Variants in AFF3 observed in about 807,000 individuals in gnomAD.
The protein encoded by AFF3 is ALF transcription elongation factor 3, also known as AF4/FMR2 family member 3.
In AFF3, 32 loss-of-function variants were observed where a neutral mutation model predicts 129.7. The ratio of observed to expected loss-of-function variants is 0.25; its 90% CI spans 0.19 to 0.33. AFF3 has a LOEUF of 0.33. Ranked by LOEUF, AFF3 falls within the 10% of genes least tolerant of loss-of-function variation. The probability of loss-of-function intolerance (pLI) is 1.00; values close to 1 mark genes in which losing one functional copy is unlikely to be tolerated. For missense variants in AFF3, 1,373 were observed against 1,592.0 expected (o/e 0.86, Z 2.34); for synonymous variants, 644 against 635.4 (o/e 1.01, Z -0.20).
intron 13 of AFF3, among the ~76,000 whole-genome samples, chr2:99,602,719 CA>C (rs1679958130): frequency 6.6e-6 from 1 of 152,188 alleles, no homozygotes; most frequent in South Asian, 2.1e-4. Context: ...CAATGAAGGC[CA>C]GGGGCCAGGG....
At chr2:99,605,526 G>T (rs1199273436) in intron 13 of AFF3, among the ~76,000 whole-genome samples, 2 of 152,140 alleles carry the variant, frequency 1.3e-5, no homozygotes, top group Non-Finnish European at 2.9e-5. Flanking sequence ...GACCATTCTG[G>T]CCTCAGTGTA....
At chr2:99,831,010 A>G (rs568502627) in intron 8 of AFF3, among the ~76,000 whole-genome samples, 17 of 152,318 alleles carry the variant, frequency 1.1e-4, no homozygotes, top group Non-Finnish European at 2.1e-4. Flanking sequence ...ACACACCCAC[A>G]CTCACTGACA....
intron 11 of AFF3, among the ~76,000 whole-genome samples, chr2:99,689,064 T>C (rs1278338155): frequency 1.3e-5 from 2 of 152,138 alleles, no homozygotes; most frequent in Non-Finnish European, 2.9e-5. Context: ...CCTAGCAGTG[T>C]CCATCTTATT....
intron 7 of AFF3, among the ~76,000 whole-genome samples, chr2:99,864,362 A>G (rs1030271574): frequency 2.6e-5 from 4 of 152,246 alleles, no homozygotes; most frequent in Admixed American, 6.5e-5. Flanking sequence ...TGAGGAAGCC[A>G]GGAGTGGCAA....
At chr2:100,000,710 G>A (rs1162876051) in intron 7 of AFF3, among the ~76,000 whole-genome samples, 2 of 152,116 alleles carry the variant, frequency 1.3e-5, no homozygotes, top group South Asian at 2.1e-4. Flanking sequence ...CAATAACTCT[G>A]CCAAGCAGGT....
chr2:100,139,841 T>G (rs1439420662), intron 1 of AFF3, among the ~76,000 whole-genome samples: 3 of 152,204 alleles, frequency 2.0e-5, no homozygotes, highest in African/African-American at 7.2e-5. Context: ...GATAGGATGA[T>G]TGCACTAAAG....
intron 7 of AFF3, among the ~76,000 whole-genome samples, chr2:99,995,295 T>C (rs953161500): frequency 1.8e-4 from 27 of 152,318 alleles, no homozygotes; most frequent in African/African-American, 6.5e-4. Context: ...TCAATTATGC[T>C]GGGATTTGAC....
chr2:100,017,051 C>CTGG (rs1276691365), intron 4 of AFF3, among the ~76,000 whole-genome samples: 7 of 145,734 alleles, frequency 4.8e-5, no homozygotes, highest in Non-Finnish European at 1.1e-4. Context: ...GATGACGATG[C>CTGG]TGGTGGTGGT....
intron 2 of AFF3, chr2:100,112,431 G>T (rs1052962765): frequency 3.9e-5 from 6 of 152,396 alleles, no homozygotes. Context: ...GGTGGCTCAT[G>T]CCTGTAATCC....
At chr2:99,905,939 G>C (rs1275202625) in intron 7 of AFF3, among the ~76,000 whole-genome samples, 3 of 151,846 alleles carry the variant, frequency 2.0e-5, no homozygotes, top group Non-Finnish European at 2.9e-5. Context: ...CCCTGTGTTT[G>C]ATAAATACGC....
At chr2:99,910,953 C>T (rs960521004) in intron 7 of AFF3, among the ~76,000 whole-genome samples, 1 of 152,270 alleles carries the variant, frequency 6.6e-6, no homozygotes, top group African/African-American at 2.4e-5. Context: ...TGCCTTCCCT[C>T]TTATCCAAGC....
At chr2:99,978,569 C>G (rs574376302) in intron 7 of AFF3, among the ~76,000 whole-genome samples, 1 of 152,160 alleles carries the variant, frequency 6.6e-6, no homozygotes, top group Non-Finnish European at 1.5e-5. Flanking sequence ...CAAGGTGCCA[C>G]GTGTGTGCAT....
intron 7 of AFF3, among the ~76,000 whole-genome samples, chr2:99,949,404 A>G (rs956688320): frequency 6.6e-6 from 1 of 152,072 alleles, no homozygotes; most frequent in African/African-American, 2.4e-5. Context: ...TAAACTGGAG[A>G]GCAGGGGGGA....
intron 9 of AFF3, among the ~76,000 whole-genome samples, chr2:99,751,534 G>A (rs1212488519): frequency 2.0e-5 from 3 of 152,186 alleles, no homozygotes; most frequent in Non-Finnish European, 2.9e-5. Context: ...AAAATGAAAT[G>A]GCACATAAAC....
intron 4 of AFF3, among the ~76,000 whole-genome samples, chr2:100,070,709 G>A (rs1162093332): frequency 6.6e-6 from 1 of 152,060 alleles, no homozygotes; most frequent in Non-Finnish European, 1.5e-5. Context: ...ACTGGCCATG[G>A]CTCCTGAAGA....
In AFF3 at chr2:100,077,162, T is replaced by C. The variant is rs183350495; in HGVS notation, c.53+27240A>G. Among the ~76,000 whole-genome samples the C allele has an allele frequency of 1.9e-4, 29 of 152,100 alleles. No individual in the cohort carries two copies. The East Asian group carries it at 2.7e-3, about 14-fold the overall frequency. On this transcript the variant is annotated intron_variant, in intron 4 of 24. Transcript: ENST00000672756. ...TACTCAGGGGGCCATGGCAGGAGAA[T>C]TGCTAGAACCCAGGAGACAGAGGTT...
At chr2:99,879,686 G>A (rs1285925713) in intron 7 of AFF3, among the ~76,000 whole-genome samples, 3 of 152,136 alleles carry the variant, frequency 2.0e-5, no homozygotes, top group African/African-American at 7.2e-5. Context: ...CATTTCACAC[G>A]TGGCCAAGTT....
chr2:99,571,868 A>T (rs151012147), intron 18 of AFF3, among the ~76,000 whole-genome samples: 35 of 152,298 alleles, frequency 2.3e-4, no homozygotes, highest in African/African-American at 7.9e-4. Context: ...AGCAATACAC[A>T]AGTCAGTAGG....
intron 8 of AFF3, among the ~76,000 whole-genome samples, chr2:99,804,028 G>T (rs1686155191): frequency 6.6e-6 from 1 of 152,174 alleles, no homozygotes; most frequent in South Asian, 2.1e-4. Flanking sequence ...CCTAGGCAAA[G>T]AATTTATGAC....
Sources: gnomAD v4.1 joint callset for allele counts (sites outside exome capture counted in the v4.1 genomes callset) on GRCh38, gnomAD v4.1.1 for gene constraint, MANE v1.5 for transcripts, NCBI Gene and HGNC (gene_info 2026-07-23, HGNC 2026-07-21) for gene names.